The following RAD54L variants were observed in gnomAD, a reference collection of about 807,000 sequenced individuals.
The protein encoded by RAD54L is RAD54 like.
In RAD54L, 74 loss-of-function variants were observed where a neutral mutation model predicts 91.6. That is an observed-to-expected ratio of 0.81 (90% CI 0.67 to 0.98). The LOEUF is 0.98. Among genes scored for constraint, RAD54L ranks in the 50% least tolerant of loss-of-function variants. The pLI is 0.00. For missense variants in RAD54L, 887 were observed against 945.7 expected (o/e 0.94, Z 0.81); for synonymous variants, 304 against 349.7 (o/e 0.87, Z 1.46).
chr1:46,250,701 C>T (rs1309523471), intron 3 of RAD54L, among the ~76,000 whole-genome samples: 3 of 152,058 alleles, frequency 2.0e-5, no homozygotes, highest in Non-Finnish European at 4.4e-5. Flanking sequence ...GTGGCCGGGT[C>T]GGGTGGTTCA....
At chr1:46,273,116 C>G (rs1425276139) in intron 12 of RAD54L, among the ~76,000 whole-genome samples, 1 of 152,156 alleles carries the variant, frequency 6.6e-6, no homozygotes, top group East Asian at 1.9e-4. Context: ...ACAAAGAAAC[C>G]TTGCCTGCTC....
intron 3 of RAD54L, 133 bp from the exon 4 acceptor site, chr1:46,258,552 TG>T: frequency 1.3e-6 from 1 of 740,812 alleles, no homozygotes; most frequent in Non-Finnish European, 2.4e-6. Flanking sequence ...CTGCTATCCC[TG>T]GATATTTGTA....
rs138693255 is a variant in RAD54L at position 46,274,673 on chromosome 1, C to G, written c.1825C>G (p.Arg609Gly). 1 of 1,614,000 alleles carries G rather than the reference C, an allele frequency of 6.2e-7. No homozygotes were observed. The highest frequency in any genetic ancestry group is 2.2e-5 in the East Asian group (1 of 44,880). ...TGAACAAGCCATGGCCCGGGTCTGG[C>G]GAGATGGTCAAAAGAAGACTTGCTA... The part of the protein sequence containing the change: ...NDEQAMARVW[R>G]DGQKKTCYIY... Residue 609 changes from arginine to glycine, a missense_variant, in exon 16 of 18, where the codon CGA becomes GGA. Arg to Gly is a moderately radical substitution (Grantham distance 125, BLOSUM62 -2). Coordinates refer to ENST00000371975, the MANE Select transcript of RAD54L (RefSeq NM_003579.4).
At chr1:46,260,176 TG>T in intron 5 of RAD54L, 77 bp downstream of exon 5, 2 of 1,590,624 alleles carry the variant, frequency 1.3e-6, no homozygotes, top group Non-Finnish European at 1.7e-6. Context: ...GAGGGTATTT[TG>T]GTGTGATTTC....
At chr1:46,257,397 CT>C (rs1430897348) in intron 3 of RAD54L, among the ~76,000 whole-genome samples, 1 of 152,120 alleles carries the variant, frequency 6.6e-6, no homozygotes, top group Non-Finnish European at 1.5e-5. Flanking sequence ...GCTTCCACCT[CT>C]GGTTTTGTTG....
At chr1:46,267,708 T>C (rs1660305998) in intron 9 of RAD54L, 99 bp downstream of exon 9, 2 of 1,444,062 alleles carry the variant, frequency 1.4e-6, no homozygotes, top group Non-Finnish European at 9.6e-7. Flanking sequence ...ATGCTAGTTA[T>C]ATGTGGGTCA....
In RAD54L at chr1:46,257,878, G is replaced by A. The variant is rs77472556; in HGVS notation, c.211-808G>A. The stretch of plus-strand genomic sequence containing the variant: ...TAATGGCTTTGTGACTTGAGAAAGT[G>A]ACTTAATCACTCTGAGCCTCAGTTT... On this transcript the variant is annotated intron_variant, in intron 3 of 17. Transcript: ENST00000371975. 5.5e-4 allele frequency among the ~76,000 whole-genome samples: 84 copies of A among 152,224 alleles called. 1 individual carries two copies. The East Asian group carries it at 0.014, about 25-fold the overall frequency.
In RAD54L at chr1:46,278,242, T is replaced by C. The variant is rs2148309290; in HGVS notation, c.2204T>C (p.Phe735Ser). The stretch of plus-strand genomic sequence containing the variant: ...GCCTCCACTGCCATCACCTTCGTCT[T>C]CCACCAGCGTTCTCATGAGGAGCAG... Reference protein sequence around the residue: ...DAASTAITFVFHQRSHEEQRG... With the variant: ...DAASTAITFVSHQRSHEEQRG... Residue 735 changes from phenylalanine to serine, a missense_variant, in exon 18 of 18, where the codon TTC becomes TCC. Transcript: ENST00000371975. The C allele has an allele frequency of 6.2e-7, 1 of 1,613,844 alleles. No homozygotes were observed. The highest frequency in any genetic ancestry group is 8.5e-7 in the Non-Finnish European group (1 of 1,179,942).
intron 4 of RAD54L, 21 bp downstream of exon 4, chr1:46,258,767 T>C: frequency 6.4e-7 from 1 of 1,554,052 alleles, no homozygotes; most frequent in Non-Finnish European, 8.9e-7. Flanking sequence ...GGTTTTTCTG[T>C]TTTTGAAATC....
chr1:46,260,447 G>A, intron 5 of RAD54L, 95 bp from the exon 6 acceptor site: 2 of 1,238,592 alleles, frequency 1.6e-6, no homozygotes, highest in Non-Finnish European at 2.4e-6. Flanking sequence ...TTAGGCAGCT[G>A]CCTCTGTTGC....
At chr1:46,262,466 C>G (rs762054296) in intron 8 of RAD54L, among the ~76,000 whole-genome samples, 1 of 152,016 alleles carries the variant, frequency 6.6e-6, no homozygotes, top group Non-Finnish European at 1.5e-5. Flanking sequence ...GACCCTTTCT[C>G]AAAAAACAAC....
At chr1:46,272,215 G>A (rs1310479463) in intron 10 of RAD54L, among the ~76,000 whole-genome samples, 3 of 151,446 alleles carry the variant, frequency 2.0e-5, no homozygotes, top group African/African-American at 2.4e-5. Flanking sequence ...GCTAATTTTC[G>A]TATTTTTAGT....
Position 46,250,520 on chromosome 1 carries a change from G to A in RAD54L, c.210+401G>A, listed in dbSNP as rs576941358. On this transcript the variant is annotated intron_variant, in intron 3 of 17. Transcript: ENST00000371975. Reference sequence around the variant, plus strand: ...TCATGTAATTCTCACGTTTTAAGATGAGAAAACAGTCTCAGAAGGGTTAAG... The same window carrying A: ...TCATGTAATTCTCACGTTTTAAGATAAGAAAACAGTCTCAGAAGGGTTAAG... Among the ~76,000 whole-genome samples, 29 of 152,314 alleles carry A rather than the reference G, an allele frequency of 1.9e-4. No homozygotes were observed. The South Asian group carries it at 5.4e-3, about 28-fold the overall frequency.
rs80002690 is a variant in RAD54L at position 46,263,594 on chromosome 1, C to T, written c.891+2209C>T. 5.5e-4 allele frequency among the ~76,000 whole-genome samples: 83 copies of T among 152,252 alleles called. 1 individual carries two copies. The East Asian group carries it at 0.014, about 25-fold the overall frequency. On this transcript the variant is annotated intron_variant, in intron 8 of 17. Coordinates refer to ENST00000371975, the MANE Select transcript of RAD54L (RefSeq NM_003579.4). The surrounding 1 kb of genome is among the most constrained non-coding windows in gnomAD (Gnocchi z 4.3). ...GGTCAGTCATTGGCGGGTCTTCAAA[C>T]TCCCAACTTCCTGGTAGGAGTAGGG...
intron 3 of RAD54L, among the ~76,000 whole-genome samples, chr1:46,250,915 G>A (rs1659779358): frequency 6.6e-6 from 1 of 151,260 alleles, no homozygotes; most frequent in Non-Finnish European, 1.5e-5. Context: ...AGGTTGCAGT[G>A]AGTCAAGATC....
intron 8 of RAD54L, among the ~76,000 whole-genome samples, chr1:46,267,001 C>T (rs942881133): frequency 2.6e-5 from 4 of 152,188 alleles, no homozygotes; most frequent in African/African-American, 9.7e-5. Flanking sequence ...TGCCTAGTTC[C>T]CAAGGCCCTA....
chr1:46,258,602 C>T (rs1271473285), intron 3 of RAD54L, 84 bp from the exon 4 acceptor site: 1 of 1,087,808 alleles, frequency 9.2e-7, no homozygotes, highest in Non-Finnish European at 1.4e-6. Flanking sequence ...TGCTGTTGTA[C>T]AAAACCTAAT....
intron 9 of RAD54L, among the ~76,000 whole-genome samples, chr1:46,268,621 T>C (rs1295304921): frequency 6.6e-6 from 1 of 152,282 alleles, no homozygotes; most frequent in East Asian, 1.9e-4. Context: ...TTTATGTTAA[T>C]GAAATCATAT....
intron 3 of RAD54L, among the ~76,000 whole-genome samples, chr1:46,252,761 G>A (rs943317026): frequency 6.6e-6 from 1 of 152,104 alleles, no homozygotes; most frequent in African/African-American, 2.4e-5. Flanking sequence ...TAGAACAGAA[G>A]ATAGACAACA....
Sources: gnomAD v4.1 joint callset for allele counts (sites outside exome capture counted in the v4.1 genomes callset) on GRCh38, gnomAD v4.1.1 for gene constraint, Gnocchi (gnomAD v3.1) non-coding constraint, MANE v1.5 for transcripts, NCBI Gene and HGNC (gene_info 2026-07-23, HGNC 2026-07-21) for gene names.